The following NEGR1 variants were observed in gnomAD, a reference collection of about 807,000 sequenced individuals.
The protein encoded by NEGR1 is IgLON family member 4.
In NEGR1, 10 loss-of-function variants were observed where a neutral mutation model predicts 40.9. That is an observed-to-expected ratio of 0.24 (90% confidence interval 0.15 to 0.42). The LOEUF is 0.42. NEGR1 is among the 10% of genes least tolerant of loss of function. NEGR1 has a pLI of 1.00. For missense variants in NEGR1, 352 were observed against 438.9 expected (o/e 0.80, Z 1.77); for synonymous variants, 185 against 166.8 (o/e 1.11, Z -0.84).
chr1:71,898,950 AT>A (rs1407108506), intron 2 of NEGR1, among the ~76,000 whole-genome samples: 3 of 117,672 alleles, frequency 2.5e-5, no homozygotes, highest in Admixed American at 9.0e-5. Flanking sequence ...TATATTGCAA[AT>A]ATATATATAT....
chr1:71,525,828 C>T (rs1346424631), intron 6 of NEGR1, among the ~76,000 whole-genome samples: 1 of 151,576 alleles, frequency 6.6e-6, no homozygotes, highest in Non-Finnish European at 1.5e-5. Context: ...AATCATCAGT[C>T]ATTTTAATAC....
At chr1:71,677,646 T>C (rs1652689024) in intron 4 of NEGR1, among the ~76,000 whole-genome samples, 1 of 152,160 alleles carries the variant, frequency 6.6e-6, no homozygotes, top group Admixed American at 6.6e-5. Context: ...CAATTTAACA[T>C]AAATTAAAAT....
chr1:71,993,857 C>T (rs1025307272), intron 1 of NEGR1, among the ~76,000 whole-genome samples: 2 of 152,272 alleles, frequency 1.3e-5, no homozygotes, highest in Middle Eastern at 3.4e-3. Flanking sequence ...ACAGTTTCTA[C>T]TTGAGAGAGT....
intron 1 of NEGR1, among the ~76,000 whole-genome samples, chr1:72,177,098 T>C (rs1478252330): frequency 6.6e-6 from 1 of 152,124 alleles, no homozygotes; most frequent in African/African-American, 2.4e-5. Context: ...TGTGGACCTA[T>C]TATTTGTCAG....
chr1:72,027,866 T>C (rs1646825754), intron 1 of NEGR1, among the ~76,000 whole-genome samples: 1 of 152,218 alleles, frequency 6.6e-6, no homozygotes, highest in Admixed American at 6.5e-5. Context: ...CAGGTCAACC[T>C]CATATTTAGT....
chr1:71,884,608 T>G (rs1210597821), intron 2 of NEGR1, among the ~76,000 whole-genome samples: 1 of 152,198 alleles, frequency 6.6e-6, no homozygotes, highest in African/African-American at 2.4e-5. Flanking sequence ...GAAACAAATT[T>G]CTCATTAAAC....
chr1:72,245,751 T>C (rs948076222), intron 1 of NEGR1, among the ~76,000 whole-genome samples: 20 of 152,254 alleles, frequency 1.3e-4, no homozygotes, highest in African/African-American at 4.8e-4. Flanking sequence ...TAATGAAATA[T>C]AATAATGATT....
intron 6 of NEGR1, among the ~76,000 whole-genome samples, chr1:71,578,966 A>G (rs1429850684): frequency 6.6e-6 from 1 of 152,204 alleles, no homozygotes; most frequent in Non-Finnish European, 1.5e-5. Flanking sequence ...AGAGACTAAC[A>G]GTAGGCTTCA....
At chr1:71,699,106 T>A (rs973905735) in intron 3 of NEGR1, among the ~76,000 whole-genome samples, 10 of 151,986 alleles carry the variant, frequency 6.6e-5, no homozygotes, top group African/African-American at 1.7e-4. Context: ...ATGCTTCCAT[T>A]AAATTGTTTG....
chr1:72,143,888 A>T, intron 1 of NEGR1, among the ~76,000 whole-genome samples: 1 of 96,540 alleles, frequency 1.0e-5, no homozygotes, highest in Non-Finnish European at 2.0e-5. Flanking sequence ...ATATTCATAT[A>T]TATATATTAT....
At chr1:72,046,876 CAAAT>C (rs900162381) in intron 1 of NEGR1, among the ~76,000 whole-genome samples, 2 of 151,498 alleles carry the variant, frequency 1.3e-5, no homozygotes, top group African/African-American at 2.4e-5. Flanking sequence ...CAACAAGAAA[CAAAT>C]AAAAATATTG....
At chr1:72,196,664 T>G (rs61765620) in intron 1 of NEGR1, among the ~76,000 whole-genome samples, 52,929 of 151,006 alleles carry the variant, frequency 0.35, 10,233 homozygotes, top group African/African-American at 0.54. Flanking sequence ...CAGTTACAAG[T>G]GATCAAGGAT....
chr1:71,865,001 T>C (rs1409278890), intron 2 of NEGR1, among the ~76,000 whole-genome samples: 1 of 152,170 alleles, frequency 6.6e-6, no homozygotes, highest in African/African-American at 2.4e-5. Flanking sequence ...GAACAGTTCA[T>C]TGAGGCAGTT....
At chr1:72,136,182 G>A (rs1390814707) in intron 1 of NEGR1, among the ~76,000 whole-genome samples, 1 of 152,050 alleles carries the variant, frequency 6.6e-6, no homozygotes, top group African/African-American at 2.4e-5. Flanking sequence ...AATCAAAATT[G>A]ACTCTGAAAT....
chr1:71,888,388 G>C (rs1163433464), intron 2 of NEGR1, among the ~76,000 whole-genome samples: 1 of 152,130 alleles, frequency 6.6e-6, no homozygotes, highest in Non-Finnish European at 1.5e-5. Flanking sequence ...AGCAGGGCGA[G>C]GCATTGCCTC....
chr1:72,007,993 A>C (rs1442514911), intron 1 of NEGR1, among the ~76,000 whole-genome samples: 1 of 152,186 alleles, frequency 6.6e-6, no homozygotes, highest in Non-Finnish European at 1.5e-5. Context: ...TAAAATATGA[A>C]TTTTAAAAAG....
chr1:71,674,316 G>A (rs1652536203), intron 4 of NEGR1, among the ~76,000 whole-genome samples: 1 of 152,062 alleles, frequency 6.6e-6, no homozygotes, highest in Non-Finnish European at 1.5e-5. Context: ...GAAATACCTT[G>A]ATAACTGCAA....
Position 71,831,062 on chromosome 1 carries a change from C to G in NEGR1, c.410-54765G>C, listed in dbSNP as rs1345627204. On this transcript the variant is annotated intron_variant, in intron 2 of 6. Coordinates refer to ENST00000357731, the MANE Select transcript of NEGR1 (RefSeq NM_173808.3). The stretch of plus-strand genomic sequence containing the variant: ...TCTTAATGTAGCCTTCAACATGAGT[C>G]CATTGCATGAACTAATGAAAATAGA... Among the ~76,000 whole-genome samples, 3 of 151,940 alleles carry G rather than the reference C, an allele frequency of 2.0e-5. No homozygotes were observed. The East Asian group carries it at 5.8e-4, about 30-fold the overall frequency.
At chr1:72,206,898 G>A (rs1263120983) in intron 1 of NEGR1, among the ~76,000 whole-genome samples, 1 of 151,924 alleles carries the variant, frequency 6.6e-6, no homozygotes, top group East Asian at 1.9e-4. Flanking sequence ...AGAGATTGCA[G>A]TGGTATGAAA....
Sources: allele counts gnomAD v4.1 joint callset (sites outside exome capture counted in the v4.1 genomes callset), GRCh38; gene constraint gnomAD v4.1.1; transcripts MANE v1.5; gene names NCBI Gene and HGNC (gene_info 2026-07-23, HGNC 2026-07-21).